Variants in CFAP299 observed in about 807,000 individuals in gnomAD.
CFAP299 encodes cilia and flagella associated protein 299.
Under a neutral mutation model 27.0 loss-of-function variants are expected in CFAP299, and 21 were observed. The observed-to-expected ratio is 0.78, with a 90% CI of 0.55 to 1.12. The LOEUF (loss-of-function observed/expected upper bound fraction) is 1.12. Among genes scored for constraint, CFAP299 ranks in the 50% most tolerant of loss-of-function variants. The pLI is 0.00. For missense variants in CFAP299, 310 were observed against 276.6 expected, an observed-to-expected ratio of 1.12 and a Z score of -0.86; for synonymous variants, 104 against 98.1, an observed-to-expected ratio of 1.06 and a Z score of -0.36.
At chr4:80,872,820 T>G (rs1733171410) in intron 4 of CFAP299, 3 of 842,056 alleles carry the variant, frequency 3.6e-6, no homozygotes, top group Non-Finnish European at 4.3e-6. Flanking sequence ...TTCTTTTTCT[T>G]GCAAATTATA....
chr4:80,525,436 A>G (rs1288980184), intron 2 of CFAP299, among the ~76,000 whole-genome samples: 1 of 152,044 alleles, frequency 6.6e-6, no homozygotes, highest in Admixed American at 6.6e-5. Flanking sequence ...ATTATTTCTT[A>G]CTTCAACAAT....
chr4:80,785,001 T>C (rs983037995), intron 3 of CFAP299, among the ~76,000 whole-genome samples: 4 of 152,152 alleles, frequency 2.6e-5, no homozygotes, highest in Non-Finnish European at 4.4e-5. Context: ...TAGGTTGCCT[T>C]TTCATTTTGT....
intron 3 of CFAP299, among the ~76,000 whole-genome samples, chr4:80,704,758 T>C (rs140504115): frequency 4.2e-4 from 64 of 151,968 alleles, no homozygotes; most frequent in African/African-American, 1.5e-3. Flanking sequence ...CTGTTCTAGA[T>C]AGAACTATGT....
At chr4:80,537,101 A>T (rs1428147454) in intron 2 of CFAP299, among the ~76,000 whole-genome samples, 1 of 152,194 alleles carries the variant, frequency 6.6e-6, no homozygotes, top group Non-Finnish European at 1.5e-5. Context: ...AATGCTCAAC[A>T]TCATTAATCA....
At chr4:80,692,435 G>C (rs1720781574) in intron 3 of CFAP299, among the ~76,000 whole-genome samples, 3 of 152,210 alleles carry the variant, frequency 2.0e-5, no homozygotes, top group African/African-American at 7.2e-5. Context: ...AGAAAAGCAA[G>C]CAATGGGGAA....
chr4:80,388,657 G>T, intron 2 of CFAP299: 1 of 1,209,192 alleles, frequency 8.3e-7, no homozygotes, highest in Non-Finnish European at 1.2e-6. Context: ...GTAATGATGG[G>T]ACAGCTAGAA....
chr4:80,653,474 G>A (rs558040270), intron 3 of CFAP299, among the ~76,000 whole-genome samples: 26 of 152,084 alleles, frequency 1.7e-4, no homozygotes, highest in Admixed American at 1.1e-3. Context: ...TTCTACCCAA[G>A]GTGAACACTA....
chr4:80,377,592 A>G (rs116044569), intron 2 of CFAP299, among the ~76,000 whole-genome samples: 3,253 of 151,922 alleles, frequency 0.021, 69 homozygotes, highest in Admixed American at 0.07. Flanking sequence ...GCTTTTCCAT[A>G]TAAAGTTTAG....
At chr4:80,796,586 A>G (rs1727875872) in intron 3 of CFAP299, among the ~76,000 whole-genome samples, 1 of 152,120 alleles carries the variant, frequency 6.6e-6, no homozygotes, top group African/African-American at 2.4e-5. Flanking sequence ...GAGAAAAGGC[A>G]ATGAAACCAT....
intron 2 of CFAP299, among the ~76,000 whole-genome samples, chr4:80,528,691 T>G (rs756638438): frequency 3.3e-5 from 5 of 152,126 alleles, no homozygotes; most frequent in Non-Finnish European, 7.4e-5. Context: ...CAAGGATCAT[T>G]TCTGGGTTTT....
chr4:80,777,480 C>T (rs1015075024), intron 3 of CFAP299, among the ~76,000 whole-genome samples: 1 of 152,064 alleles, frequency 6.6e-6, no homozygotes, highest in African/African-American at 2.4e-5. Flanking sequence ...ATACTACTAA[C>T]TCTCCCAAAT....
At chr4:80,875,794 A>T (rs1208252049) in intron 4 of CFAP299, among the ~76,000 whole-genome samples, 1 of 152,086 alleles carries the variant, frequency 6.6e-6, no homozygotes, top group Non-Finnish European at 1.5e-5. Flanking sequence ...TGATACCACC[A>T]TCACCCTTGA....
At chr4:80,671,849 T>A (rs2109994124) in intron 3 of CFAP299, among the ~76,000 whole-genome samples, 1 of 152,342 alleles carries the variant, frequency 6.6e-6, no homozygotes, top group East Asian at 1.9e-4. Context: ...TGATTTTGTA[T>A]CCTGAGACTT....
At chr4:80,923,186 C>A (rs1736132571) in intron 4 of CFAP299, among the ~76,000 whole-genome samples, 1 of 152,008 alleles carries the variant, frequency 6.6e-6, no homozygotes, top group African/African-American at 2.4e-5. Context: ...AGTTCACCCA[C>A]AGCCAGGAAG....
chr4:80,821,403 A>C (rs1729697885), intron 3 of CFAP299, among the ~76,000 whole-genome samples: 1 of 152,124 alleles, frequency 6.6e-6, no homozygotes, highest in Admixed American at 6.6e-5. Context: ...TTTAATAGTA[A>C]CCCCCACCTC....
At chr4:80,585,562 A>T (rs1736392261) in intron 3 of CFAP299, among the ~76,000 whole-genome samples, 1 of 152,186 alleles carries the variant, frequency 6.6e-6, no homozygotes, top group Non-Finnish European at 1.5e-5. Flanking sequence ...GAAGCCAAAG[A>T]GATGGGCAAC....
intron 3 of CFAP299, among the ~76,000 whole-genome samples, chr4:80,674,920 A>T (rs544836276): frequency 3.7e-4 from 57 of 152,234 alleles, no homozygotes; most frequent in Middle Eastern, 3.4e-3. Flanking sequence ...TTAGCCATTC[A>T]TCTAATCTTT....
intron 2 of CFAP299, among the ~76,000 whole-genome samples, chr4:80,475,423 T>C (rs548663488): frequency 2.8e-4 from 42 of 152,082 alleles, no homozygotes; most frequent in Middle Eastern, 3.4e-3. Context: ...TCTTTGGAAA[T>C]AGAGTGGCAG....
rs151233401 is a variant in CFAP299, at chr4:80,472,463, G to T, written c.242+109579G>T. Reference sequence around the variant, plus strand: ...TCAGAACCCAACGGATGAAAGAGGGGAATGCATTGGCCTTTTGATTTCTAT... The same window carrying T: ...TCAGAACCCAACGGATGAAAGAGGGTAATGCATTGGCCTTTTGATTTCTAT... On this transcript the variant is annotated intron_variant, in intron 2 of 5. Coordinates refer to ENST00000358105, the MANE Select transcript of CFAP299 (RefSeq NM_152770.3). Among the ~76,000 whole-genome samples, 463 of 152,270 alleles carry T rather than the reference G, an allele frequency of 3.0e-3. 4 individuals carry two copies. Among genetic ancestry groups the T allele is most frequent in the African/African-American group, 0.011 (446 of 41,554 alleles).
Sources: allele counts gnomAD v4.1 joint callset (sites outside exome capture counted in the v4.1 genomes callset), GRCh38; gene constraint gnomAD v4.1.1; transcripts MANE v1.5; gene names NCBI Gene and HGNC (gene_info 2026-07-23, HGNC 2026-07-21).